TYW3: variants seen among roughly 807,000 people sequenced by gnomAD.
TYW3 encodes the protein tRNA wybutosine-synthesizing protein 3 homolog.
Under a neutral mutation model 23.1 loss-of-function variants are expected in TYW3, and 26 were observed. The ratio of observed to expected loss-of-function variants is 1.13; its 90% CI spans 0.83 to 1.56. The LOEUF (loss-of-function observed/expected upper bound fraction) is 1.56. TYW3 is among the 40% of genes most tolerant of loss of function. The pLI is 0.00. For synonymous variants in TYW3, 102 were observed against 105.7 expected (o/e 0.97, Z 0.21); for missense variants, 316 against 311.9 (o/e 1.01, Z -0.10).
At chr1:74,738,826 A>T (rs1648251541) in intron 3 of TYW3, 38 bp downstream of exon 3, 2 of 1,480,828 alleles carry the variant, frequency 1.4e-6, no homozygotes, top group Non-Finnish European at 1.9e-6. Flanking sequence ...ATTTATAGAT[A>T]TGTGGGTAGA....
At position 74,741,133 on chromosome 1, in the gene TYW3, A is replaced by G. The variant is rs563595377; in HGVS notation, c.354+2345A>G. Among the ~76,000 whole-genome samples, 10 of 152,344 alleles carry G rather than the reference A, an allele frequency of 6.6e-5. No homozygotes were observed. In the South Asian group the frequency reaches 2.1e-3, roughly 32 times the overall value. ...TCGTTTGGCTACAGTATATAGTCCT[A>G]TCACAAAGAGTATGGTTAGTATGCT... On this transcript the variant is annotated intron_variant, in intron 3 of 5. Transcript: ENST00000370867.
chr1:74,733,595 G>A (rs28563168), intron 1 of TYW3, 177 bp downstream of exon 1: 133,075 of 971,606 alleles, frequency 0.14, 12,278 homozygotes, highest in East Asian at 0.71. Flanking sequence ...AAAGTTTAAC[G>A]TGGCTATTAA....
Position 74,764,284 on chromosome 1 carries a change from T to A in TYW3, c.*171T>A. The A allele has an allele frequency of 1.7e-6, 1 of 575,714 alleles. No homozygotes were observed. Among genetic ancestry groups the A allele is most frequent in the Non-Finnish European group, 3.0e-6 (1 of 335,802 alleles). 35.7% of individuals were successfully genotyped at this position (575,714 alleles called of 1,614,324 possible). ...GCCCAGAGGATGTGCAGTTGTCATC[T>A]AAGCTCTCAGCAGTACCCGGCTTAT... On this transcript the variant is annotated 3_prime_UTR_variant, in exon 6 of 6. Transcript: ENST00000370867.
intron 4 of TYW3, among the ~76,000 whole-genome samples, chr1:74,749,197 C>T (rs1246870509): frequency 2.0e-5 from 3 of 152,194 alleles, no homozygotes; most frequent in African/African-American, 7.2e-5. Flanking sequence ...CTCAGTCCCT[C>T]AGGGTTTGAA....
At chr1:74,749,502 A>G (rs1648701129) in intron 4 of TYW3, among the ~76,000 whole-genome samples, 1 of 151,742 alleles carries the variant, frequency 6.6e-6, no homozygotes, top group African/African-American at 2.4e-5. Flanking sequence ...ATTTCTCCCT[A>G]TTCTGATCTC....
chr1:74,752,509 A>T, intron 5 of TYW3, 84 bp downstream of exon 5: 2 of 1,177,398 alleles, frequency 1.7e-6, no homozygotes, highest in Non-Finnish European at 2.4e-6. Flanking sequence ...TTCAGTTTAT[A>T]ATGCCAACTG....
In TYW3 at chr1:74,765,812, C is replaced by T. The variant is rs1272060239; in HGVS notation, c.*1699C>T. ...CTATGTATTTTAAAGATTCCATAAA[C>T]TGAATATATGAATGAGAATTAAGAA... is the stretch of plus-strand genomic sequence containing the variant. On this transcript the variant is annotated 3_prime_UTR_variant, in exon 6 of 6. Coordinates refer to ENST00000370867, the MANE Select transcript of TYW3 (RefSeq NM_138467.3). 2 of 151,960 alleles carry T rather than the reference C, an allele frequency of 1.3e-5. No homozygotes were observed. Among genetic ancestry groups the T allele is most frequent in the African/African-American group, 4.8e-5 (2 of 41,368 alleles). The allele number at this position is 151,960 out of a possible 1,614,324, so 9.4% of individuals were successfully genotyped here.
chr1:74,755,843 A>T (rs1455058397), intron 5 of TYW3, among the ~76,000 whole-genome samples: 1 of 152,194 alleles, frequency 6.6e-6, no homozygotes, highest in African/African-American at 2.4e-5. Flanking sequence ...AGAGATAGTG[A>T]TATGGTTTGG....
chr1:74,733,934 G>T (rs896652832), intron 1 of TYW3, among the ~76,000 whole-genome samples: 3 of 151,938 alleles, frequency 2.0e-5, no homozygotes, highest in African/African-American at 7.3e-5. Flanking sequence ...GTAGTTTTAC[G>T]CAGAGAAAAG....
chr1:74,759,186 A>G (rs1369353035), intron 5 of TYW3, among the ~76,000 whole-genome samples: 1 of 152,128 alleles, frequency 6.6e-6, no homozygotes, highest in African/African-American at 2.4e-5. Flanking sequence ...CTCTTTCTAT[A>G]GCCTAAGGAA....
intron 5 of TYW3, among the ~76,000 whole-genome samples, chr1:74,762,985 A>G (rs1361599841): frequency 6.6e-6 from 1 of 152,206 alleles, no homozygotes; most frequent in Non-Finnish European, 1.5e-5. Context: ...AATTTACACT[A>G]AAAAATTCAA....
At chr1:74,738,118 A>C (rs1032602621) in intron 2 of TYW3, among the ~76,000 whole-genome samples, 4 of 150,644 alleles carry the variant, frequency 2.7e-5, no homozygotes, top group Non-Finnish European at 5.9e-5. Context: ...AAAAAAAAAC[A>C]AACAAAAAAA....
At chr1:74,733,872 G>A (rs1366294860) in intron 1 of TYW3, among the ~76,000 whole-genome samples, 2 of 152,108 alleles carry the variant, frequency 1.3e-5, no homozygotes, top group Non-Finnish European at 2.9e-5. Context: ...AACATCACCA[G>A]TGTTAAGGAG....
chr1:74,750,652 T>C (rs1434115860), intron 4 of TYW3, among the ~76,000 whole-genome samples: 2 of 152,176 alleles, frequency 1.3e-5, no homozygotes, highest in Admixed American at 1.3e-4. Context: ...TACCTGTTTA[T>C]GTTCGTCTTC....
At chr1:74,743,105 T>G (rs1285954983) in intron 3 of TYW3, among the ~76,000 whole-genome samples, 1 of 152,178 alleles carries the variant, frequency 6.6e-6, no homozygotes, top group Non-Finnish European at 1.5e-5. Context: ...CAGTGCACCT[T>G]CCAGTGATTG....
At chr1:74,747,755 ATATG>A (rs1268308375) in intron 3 of TYW3, among the ~76,000 whole-genome samples, 4 of 151,612 alleles carry the variant, frequency 2.6e-5, no homozygotes, top group Non-Finnish European at 4.4e-5. Context: ...ATATATGTAT[ATATG>A]TATGTGTATA....
In TYW3 at chr1:74,764,249, T is replaced by A. The variant is rs918383517; in HGVS notation, c.*136T>A. ...ATGACAAGTGCAGAGCTTCAAACTA[T>A]AACTTTGTTGCCCAGAGGATGTGCA... On this transcript the variant is annotated 3_prime_UTR_variant, in exon 6 of 6. Transcript: ENST00000370867. The A allele has an allele frequency of 1.4e-6, 1 of 732,224 alleles. No homozygotes were observed. Among genetic ancestry groups the A allele is most frequent in the Non-Finnish European group, 2.2e-6 (1 of 464,668 alleles). The allele number at this position is 732,224 out of a possible 1,614,324, so 45.4% of individuals were successfully genotyped here. A position where few individuals can be genotyped will look rare whatever the true frequency, so the allele number is the denominator to read the frequency against.
At chr1:74,744,718 A>T (rs1204721202) in intron 3 of TYW3, among the ~76,000 whole-genome samples, 3 of 152,178 alleles carry the variant, frequency 2.0e-5, no homozygotes. Flanking sequence ...TTCAAGAATG[A>T]AGTTGCAGAC....
chr1:74,740,878 C>T (rs1397434215), intron 3 of TYW3, among the ~76,000 whole-genome samples: 2 of 152,218 alleles, frequency 1.3e-5, no homozygotes, highest in Non-Finnish European at 2.9e-5. Context: ...TTCTCCAAGT[C>T]CCCACTTGAC....
Sources: gnomAD v4.1 joint callset for allele counts (sites outside exome capture counted in the v4.1 genomes callset) on GRCh38, gnomAD v4.1.1 for gene constraint, MANE v1.5 for transcripts, NCBI Gene and HGNC (gene_info 2026-07-23, HGNC 2026-07-21) for gene names.